The following IQGAP1 variants were observed in gnomAD, a reference collection of about 807,000 sequenced individuals.
IQGAP1 encodes ras GTPase-activating-like protein IQGAP1.
In IQGAP1, 66 loss-of-function variants were observed where a neutral mutation model predicts 215.6. The observed-to-expected ratio is 0.31, with a 90% CI of 0.25 to 0.38. The LOEUF is 0.38. IQGAP1 is among the 10% of genes least tolerant of loss of function. The pLI, the probability that IQGAP1 is intolerant of heterozygous loss-of-function variation, is 1.00. For missense variants in IQGAP1, 1,712 were observed against 1,997.1 expected, an observed-to-expected ratio of 0.86 and a Z score of 2.72; for synonymous variants, 772 against 728.7, an observed-to-expected ratio of 1.06 and a Z score of -0.96.
At chr15:90,396,873 GAC>G (rs1964728333) in intron 2 of IQGAP1, among the ~76,000 whole-genome samples, 2 of 150,438 alleles carry the variant, frequency 1.3e-5, no homozygotes, top group African/African-American at 2.5e-5. Flanking sequence ...TTTTTTTGGA[GAC>G]GGAGTCTCGC....
intron 2 of IQGAP1, 152 bp from the exon 3 acceptor site, chr15:90,425,958 C>T: frequency 1.6e-6 from 1 of 637,742 alleles, no homozygotes; most frequent in Non-Finnish European, 2.4e-6. Context: ...CTGGGCCAGG[C>T]AGGGAAAGGA....
intron 14 of IQGAP1, 25 bp from the exon 15 acceptor site, chr15:90,456,127 A>G (rs1285660738): frequency 1.3e-6 from 2 of 1,598,556 alleles, no homozygotes; most frequent in South Asian, 1.1e-5. Context: ...TAGAAAAAAA[A>G]AACTTTCTGT....
At chr15:90,430,081 G>A (rs1467131251) in intron 4 of IQGAP1, among the ~76,000 whole-genome samples, 1 of 152,222 alleles carries the variant, frequency 6.6e-6, no homozygotes, top group Admixed American at 6.5e-5. Flanking sequence ...TAGGGAGTAT[G>A]AAGGGTCATT....
At chr15:90,494,550 T>C (rs369719606) in intron 35 of IQGAP1, 163 bp from the exon 36 acceptor site, 2 of 467,828 alleles carry the variant, frequency 4.3e-6, no homozygotes, top group Admixed American at 4.1e-5. Context: ...TGCAGAGATA[T>C]TGCTTAGGCT....
chr15:90,480,219 TTA>T (rs374316642), intron 26 of IQGAP1, among the ~76,000 whole-genome samples: 3,132 of 131,680 alleles, frequency 0.024, 120 homozygotes, highest in African/African-American at 0.082. Flanking sequence ...ACCCCATATC[TTA>T]AAAAAAAAAA....
chr15:90,432,472 A>G (rs1245833905), intron 4 of IQGAP1, among the ~76,000 whole-genome samples: 2 of 152,196 alleles, frequency 1.3e-5, no homozygotes, highest in African/African-American at 2.4e-5. Flanking sequence ...CCTTAGCTCC[A>G]AAGCTAGGCT....
Position 90,424,528 on chromosome 15 carries a change from G to A in IQGAP1, c.156-1582G>A, listed in dbSNP as rs564738313. 4.1e-3 allele frequency among the ~76,000 whole-genome samples: 630 copies of A among 152,264 alleles called. 4 individuals carry two copies. The highest frequency in any genetic ancestry group is 6.8e-3 in the Non-Finnish European group (461 of 68,016). ...TAGAGAGTACGCTGCCTAATTTAAA[G>A]GTAGAGTAGATTTAAAAGCAAGACT... On this transcript the variant is annotated intron_variant, in intron 2 of 37. Transcript: ENST00000268182.
chr15:90,400,171 A>G (rs1023305627), intron 2 of IQGAP1, among the ~76,000 whole-genome samples: 4 of 152,042 alleles, frequency 2.6e-5, no homozygotes, highest in African/African-American at 7.3e-5. Flanking sequence ...TTGTTTGTTT[A>G]TTTTAGCTTT....
chr15:90,449,851 A>G (rs942009239), intron 11 of IQGAP1, among the ~76,000 whole-genome samples: 2 of 152,198 alleles, frequency 1.3e-5, no homozygotes, highest in African/African-American at 4.8e-5. Flanking sequence ...TTTTGAGGGT[A>G]CATGTGTTTT....
intron 30 of IQGAP1, among the ~76,000 whole-genome samples, chr15:90,485,336 TA>T (rs1233169868): frequency 6.6e-6 from 1 of 152,244 alleles, no homozygotes; most frequent in African/African-American, 2.4e-5. Flanking sequence ...AAACATTAAG[TA>T]AAAGCGTGCA....
intron 3 of IQGAP1, among the ~76,000 whole-genome samples, chr15:90,428,651 C>T (rs771914584): frequency 6.6e-6 from 1 of 152,024 alleles, no homozygotes; most frequent in Non-Finnish European, 1.5e-5. Flanking sequence ...GGCATGGTGA[C>T]ATGCACTCGT....
chr15:90,483,808 A>G (rs1003752073), intron 29 of IQGAP1, among the ~76,000 whole-genome samples: 2 of 152,234 alleles, frequency 1.3e-5, no homozygotes, highest in African/African-American at 4.8e-5. Context: ...AATAGATAGT[A>G]GTTAACATAA....
At chr15:90,436,920 C>T (rs1357492344) in intron 5 of IQGAP1, among the ~76,000 whole-genome samples, 1 of 152,186 alleles carries the variant, frequency 6.6e-6, no homozygotes, top group African/African-American at 2.4e-5. Context: ...TAATTTACCA[C>T]TGAAAGACAT....
intron 15 of IQGAP1, among the ~76,000 whole-genome samples, chr15:90,460,242 A>T (rs1374852581): frequency 6.6e-6 from 1 of 152,192 alleles, no homozygotes; most frequent in African/African-American, 2.4e-5. Context: ...TTTATATTTC[A>T]TGATGATATG....
chr15:90,412,123 A>T (rs1018129286), intron 2 of IQGAP1, among the ~76,000 whole-genome samples: 1 of 152,232 alleles, frequency 6.6e-6, no homozygotes, highest in Non-Finnish European at 1.5e-5. Flanking sequence ...TTATGCTAAG[A>T]ATGAAGTGAT....
chr15:90,414,830 A>T (rs1215713930), intron 2 of IQGAP1, among the ~76,000 whole-genome samples: 1 of 152,114 alleles, frequency 6.6e-6, no homozygotes, highest in African/African-American at 2.4e-5. Flanking sequence ...CGTCCCGTTG[A>T]CATTTCAAGC....
At chr15:90,402,970 A>G (rs1415804264) in intron 2 of IQGAP1, among the ~76,000 whole-genome samples, 1 of 152,188 alleles carries the variant, frequency 6.6e-6, no homozygotes, top group Non-Finnish European at 1.5e-5. Flanking sequence ...AATGACTATT[A>G]TAACAAAATG....
intron 18 of IQGAP1, among the ~76,000 whole-genome samples, chr15:90,468,962 G>T (rs542430246): frequency 1.6e-4 from 25 of 152,234 alleles, no homozygotes; most frequent in South Asian, 4.2e-4. Flanking sequence ...CAAAGAACTT[G>T]GTATTCATTC....
At chr15:90,421,439 G>T (rs1434389879) in intron 2 of IQGAP1, among the ~76,000 whole-genome samples, 1 of 149,694 alleles carries the variant, frequency 6.7e-6, no homozygotes, top group African/African-American at 2.5e-5. Flanking sequence ...TCATGCCACT[G>T]CACTTCAGCC....
Sources: allele counts gnomAD v4.1 joint callset (sites outside exome capture counted in the v4.1 genomes callset), GRCh38; gene constraint gnomAD v4.1.1; transcripts MANE v1.5; gene names NCBI Gene and HGNC (gene_info 2026-07-23, HGNC 2026-07-21).